The following FAM184A variants were observed in gnomAD, a reference collection of about 807,000 sequenced individuals.
FAM184A encodes protein FAM184A.
FAM184A carries 99 observed loss-of-function variants against 143.8 expected under a neutral mutation model. That is an observed-to-expected ratio of 0.69 (90% CI 0.58 to 0.81). The LOEUF is 0.81. FAM184A is among the 40% of genes least tolerant of loss of function. The probability of loss-of-function intolerance (pLI) is 0.00; values close to 1 mark genes in which losing one functional copy is unlikely to be tolerated. For missense variants in FAM184A, 1,217 were observed against 1,310.5 expected (o/e 0.93, Z 1.10); for synonymous variants, 427 against 446.4 (o/e 0.96, Z 0.55).
chr6:119,038,799 G>A lies in FAM184A; in HGVS notation c.160-13986C>T, dbSNP rs143184456. ...CGAGATCCAGGAACCCTCTCTTGGGGTCTGGATCGGGACCCCTTTCCTGTA... is the reference window on the plus strand; with the variant it reads ...CGAGATCCAGGAACCCTCTCTTGGGATCTGGATCGGGACCCCTTTCCTGTA... On this transcript the variant is annotated intron_variant, in intron 1 of 17. Coordinates refer to ENST00000338891, the MANE Select transcript of FAM184A (RefSeq NM_024581.6). Among the ~76,000 whole-genome samples, 355 of 152,242 alleles carry A rather than the reference G, an allele frequency of 2.3e-3. 3 individuals carry two copies. The highest frequency in any genetic ancestry group is 8.1e-3 in the African/African-American group (337 of 41,530).
chr6:119,122,393 T>C (rs1295225006), intron 1 of FAM184A, among the ~76,000 whole-genome samples: 5 of 152,196 alleles, frequency 3.3e-5, no homozygotes, highest in Admixed American at 3.3e-4. Flanking sequence ...GAGACTTTAT[T>C]TTTTACAAAG....
chr6:119,022,830 T>C (rs192204549), intron 3 of FAM184A, 115 bp downstream of exon 3: 4 of 1,253,386 alleles, frequency 3.2e-6, no homozygotes, highest in African/African-American at 3.0e-5. Flanking sequence ...TGAGCCGAGA[T>C]TGAGCCACTG....
chr6:119,123,077 G>T (rs1313296143), intron 1 of FAM184A, among the ~76,000 whole-genome samples: 1 of 151,808 alleles, frequency 6.6e-6, no homozygotes, highest in South Asian at 2.1e-4. Context: ...CCACTCCATG[G>T]TCTGTGGTCT....
In FAM184A at chr6:118,959,968, G is replaced by C; in HGVS notation, c.*135C>G. The C allele has an allele frequency of 1.7e-6, 1 of 580,394 alleles. No individual in the cohort carries two copies. Among genetic ancestry groups the C allele is most frequent in the Non-Finnish European group, 3.0e-6 (1 of 335,228 alleles). 36.0% of individuals were successfully genotyped at this position (580,394 alleles called of 1,614,324 possible). On this transcript the variant is annotated 3_prime_UTR_variant, in exon 18 of 18. Coordinates refer to ENST00000338891, the MANE Select transcript of FAM184A (RefSeq NM_024581.6). ...TCCAATAAATATCACAGGAAATACAGTGCATTTTCAAGTTGGAGAGACAAA... is the reference window on the plus strand; with the variant it reads ...TCCAATAAATATCACAGGAAATACACTGCATTTTCAAGTTGGAGAGACAAA...
intron 1 of FAM184A, among the ~76,000 whole-genome samples, chr6:119,107,187 C>T (rs1490229008): frequency 6.6e-6 from 1 of 152,114 alleles, no homozygotes; most frequent in Non-Finnish European, 1.5e-5. Context: ...CAAAGCCAAT[C>T]ATCTGTCTCA....
chr6:118,990,548 A>G (rs1784344833), intron 9 of FAM184A, among the ~76,000 whole-genome samples: 1 of 150,784 alleles, frequency 6.6e-6, no homozygotes, highest in Non-Finnish European at 1.5e-5. Context: ...TTGTTAATAC[A>G]TAACTGAAGT....
At chr6:118,973,529 A>G (rs1783758639) in intron 14 of FAM184A, among the ~76,000 whole-genome samples, 1 of 152,186 alleles carries the variant, frequency 6.6e-6, no homozygotes, top group Non-Finnish European at 1.5e-5. Context: ...TGACTTTGAC[A>G]TGAAGGATAA....
intron 1 of FAM184A, among the ~76,000 whole-genome samples, chr6:119,120,708 A>G (rs1293080682): frequency 1.3e-5 from 2 of 152,162 alleles, no homozygotes; most frequent in Non-Finnish European, 2.9e-5. Context: ...TGGGTGTGAA[A>G]TAGGATCTAG....
chr6:118,988,832 A>G (rs563571225), intron 9 of FAM184A, among the ~76,000 whole-genome samples: 1 of 152,160 alleles, frequency 6.6e-6, no homozygotes, highest in South Asian at 2.1e-4. Flanking sequence ...GAAAATGAAA[A>G]TGTAATTTCA....
chr6:119,016,679 A>G, intron 5 of FAM184A, 68 bp downstream of exon 5: 2 of 1,397,324 alleles, frequency 1.4e-6, no homozygotes, highest in Non-Finnish European at 2.0e-6. Context: ...GAACCCACCA[A>G]TTCCGGACAC....
At chr6:119,018,947 AGAG>A (rs909873885) in intron 4 of FAM184A, among the ~76,000 whole-genome samples, 12 of 152,048 alleles carry the variant, frequency 7.9e-5, no homozygotes, top group African/African-American at 2.9e-4. Flanking sequence ...AGTACTTTTG[AGAG>A]GAGAAAGTTC....
chr6:119,091,942 G>A (rs1430860904), intron 1 of FAM184A, among the ~76,000 whole-genome samples: 2 of 152,154 alleles, frequency 1.3e-5, no homozygotes, highest in Middle Eastern at 3.2e-3. Context: ...CTATGTTGAT[G>A]GGTCCATTGC....
At chr6:118,962,121 A>G in intron 16 of FAM184A, 158 bp from the exon 17 acceptor site, 1 of 655,256 alleles carries the variant, frequency 1.5e-6, no homozygotes, top group Non-Finnish European at 2.6e-6. Context: ...GTGGTCTGGG[A>G]ATCCTTGGAG....
intron 10 of FAM184A, 28 bp downstream of exon 10, chr6:118,980,110 A>C (rs1413873378): frequency 6.3e-7 from 1 of 1,595,904 alleles, no homozygotes; most frequent in South Asian, 1.1e-5. Context: ...GTTGGGTTAC[A>C]TTTGAACGTA....
At chr6:119,018,191 CGTGTGCATGTGT>C (rs1264147257) in intron 4 of FAM184A, among the ~76,000 whole-genome samples, 2 of 151,998 alleles carry the variant, frequency 1.3e-5, no homozygotes, top group Non-Finnish European at 2.9e-5. Context: ...AGTGCATGTG[CGTGTGCATGTGT>C]GTGTGTGTTT....
Position 119,078,075 on chromosome 6 carries a change from GGGAGA to G in FAM184A, c.159+61_159+65del. On this transcript the variant is annotated intron_variant, in intron 1 of 17. Coordinates refer to ENST00000338891, the MANE Select transcript of FAM184A (RefSeq NM_024581.6). The surrounding 1 kb of genome is among the most constrained non-coding windows in gnomAD (Gnocchi z 5.5). ...CGGGCGCAGGGCGCACTGCCTCCCG[GGGAGA>G]CAGGTGAGTCCGGCGCGGCCCGCAC... 6.6e-7 allele frequency: 1 copy of G among 1,518,146 alleles called. No individual in the cohort carries two copies. Among genetic ancestry groups the G allele is most frequent in the Non-Finnish European group, 8.8e-7 (1 of 1,135,014 alleles). 94.0% of individuals were successfully genotyped at this position (1,518,146 alleles called of 1,614,324 possible). A position where few individuals can be genotyped will look rare whatever the true frequency, so the allele number is the denominator to read the frequency against.
At chr6:119,141,225 AC>A (rs1298158331) in intron 1 of FAM184A, among the ~76,000 whole-genome samples, 1 of 152,250 alleles carries the variant, frequency 6.6e-6, no homozygotes, top group Non-Finnish European at 1.5e-5. Flanking sequence ...GGGTTTAGCA[AC>A]CTGCCTAGTC....
chr6:118,991,078 AT>A (rs1784362965), intron 9 of FAM184A, among the ~76,000 whole-genome samples: 1 of 152,068 alleles, frequency 6.6e-6, no homozygotes, highest in East Asian at 1.9e-4. Context: ...AAGTATTATG[AT>A]TTTTAAAAAG....
intron 4 of FAM184A, among the ~76,000 whole-genome samples, chr6:119,019,184 AAAG>A (rs1446971905): frequency 2.0e-5 from 3 of 152,228 alleles, no homozygotes; most frequent in Non-Finnish European, 2.9e-5. Context: ...GGAAGTTCAC[AAAG>A]AAGACTGTAA....
Sources: allele counts gnomAD v4.1 joint callset (sites outside exome capture counted in the v4.1 genomes callset), GRCh38; gene constraint gnomAD v4.1.1; non-coding constraint Gnocchi (gnomAD v3.1); transcripts MANE v1.5; gene names NCBI Gene and HGNC (gene_info 2026-07-23, HGNC 2026-07-21).